EPB41L1: variants seen among roughly 807,000 people sequenced by gnomAD.
The protein encoded by EPB41L1 is erythrocyte membrane protein band 4.1 like 1, also known as band 4.1-like protein 1.
EPB41L1 carries 29 observed loss-of-function variants against 97.8 expected under a neutral mutation model. That is an observed-to-expected ratio of 0.30 (90% CI 0.22 to 0.40). EPB41L1 has a LOEUF of 0.40. Ranked by LOEUF, EPB41L1 falls within the 10% of genes least tolerant of loss-of-function variation. The pLI is 1.00. For synonymous variants in EPB41L1, 383 were observed against 459.2 expected (o/e 0.83, Z 2.12); for missense variants, 812 against 1,162.3 (o/e 0.70, Z 4.38).
intron 1 of EPB41L1, among the ~76,000 whole-genome samples, chr20:36,168,065 A>G (rs991508111): frequency 6.6e-6 from 1 of 152,358 alleles, no homozygotes; most frequent in East Asian, 1.9e-4. Context: ...ATATTGCCTC[A>G]TCTGGGCTAG....
At chr20:36,125,968 AG>A (rs564871150) in intron 2 of EPB41L1, among the ~76,000 whole-genome samples, 60 of 150,686 alleles carry the variant, frequency 4.0e-4, no homozygotes, top group South Asian at 1.7e-3. Context: ...TGGGGAAGGG[AG>A]GGGGAAGAAA....
At chr20:36,167,058 A>G (rs2060767812) in intron 1 of EPB41L1, among the ~76,000 whole-genome samples, 1 of 152,166 alleles carries the variant, frequency 6.6e-6, no homozygotes, top group Non-Finnish European at 1.5e-5. Flanking sequence ...CAAAAACAAA[A>G]CAATCTAGCA....
intron 2 of EPB41L1, among the ~76,000 whole-genome samples, chr20:36,113,167 C>T (rs567193022): frequency 6.6e-6 from 1 of 152,110 alleles, no homozygotes; most frequent in African/African-American, 2.4e-5. Flanking sequence ...TGGCCCGGGG[C>T]GTGTCAAAGC....
At chr20:36,123,427 G>GTTC (rs1319451577) in intron 2 of EPB41L1, among the ~76,000 whole-genome samples, 3 of 151,676 alleles carry the variant, frequency 2.0e-5, no homozygotes, top group Non-Finnish European at 2.9e-5. Context: ...GAAAATTTAA[G>GTTC]TTCTGGTTTT....
In EPB41L1 at chr20:36,224,966, C is replaced by T. The variant is rs1443948925; in HGVS notation, c.2637+2572C>T. ...CCTCCCAAGTAGCTGAGACTACAGG[C>T]GTGTGCTACCACACCCAACTAATTT... On this transcript the variant is annotated intron_variant, in intron 21 of 21. Coordinates refer to ENST00000338074, the MANE Select transcript of EPB41L1 (RefSeq NM_012156.2). 4.6e-5 allele frequency among the ~76,000 whole-genome samples: 7 copies of T among 152,218 alleles called. 1 individual carries two copies. In the East Asian group the frequency reaches 9.7e-4, roughly 21 times the overall value.
chr20:36,112,901 C>G (rs149269284), intron 2 of EPB41L1, among the ~76,000 whole-genome samples: 1 of 152,336 alleles, frequency 6.6e-6, no homozygotes, highest in East Asian at 1.9e-4. Flanking sequence ...ACCTTCCTTT[C>G]TACTGGCCTC....
At chr20:36,146,144 A>G (rs886993854) in intron 2 of EPB41L1, among the ~76,000 whole-genome samples, 1 of 152,182 alleles carries the variant, frequency 6.6e-6, no homozygotes, top group East Asian at 1.9e-4. Context: ...TTTCTGTTTT[A>G]CATTGCAGTT....
chr20:36,157,771 A>G (rs1221533609), intron 1 of EPB41L1, among the ~76,000 whole-genome samples: 1 of 152,220 alleles, frequency 6.6e-6, no homozygotes. Flanking sequence ...GGGAAACACC[A>G]GACTCCCTGC....
chr20:36,091,809 T>C (rs1041935179), intron 1 of EPB41L1: 1 of 152,194 alleles, frequency 6.6e-6, no homozygotes, highest in South Asian at 2.1e-4. Context: ...TCTTTATCTA[T>C]AGAAGGCAGA....
intron 12 of EPB41L1, 113 bp downstream of exon 12, chr20:36,194,473 A>G: frequency 7.4e-7 from 1 of 1,349,486 alleles, no homozygotes; most frequent in Non-Finnish European, 1.0e-6. Flanking sequence ...CACCCTTACT[A>G]TGGAGTGCAC....
chr20:36,107,032 G>A (rs1432380457), intron 1 of EPB41L1, among the ~76,000 whole-genome samples: 1 of 152,006 alleles, frequency 6.6e-6, no homozygotes, highest in Non-Finnish European at 1.5e-5. Flanking sequence ...TCAAACTCCT[G>A]AGCTCAGGCA....
At chr20:36,135,410 A>G (rs1479530081) in intron 2 of EPB41L1, among the ~76,000 whole-genome samples, 1 of 152,222 alleles carries the variant, frequency 6.6e-6, no homozygotes, top group Non-Finnish European at 1.5e-5. Context: ...GGCCGAAGCA[A>G]TAAGCATGAG....
Position 36,190,419 on chromosome 20 carries a change from A to C in EPB41L1, c.1124+45A>C, listed in dbSNP as rs1409644640. 6.3e-7 allele frequency: 1 copy of C among 1,596,792 alleles called. No homozygotes were observed. The highest frequency in any genetic ancestry group is 8.6e-7 in the Non-Finnish European group (1 of 1,166,862). ...GGGTAATGGGGATGGGGCAGAGGCC[A>C]TGTGTATGGAGGGGAGCAGGGGGAG... On this transcript the variant is annotated intron_variant, in intron 10 of 21. Transcript: ENST00000338074. This position sits in a 1 kb window ranked among gnomAD's most constrained non-coding sequence, Gnocchi z 5.8.
Position 36,109,938 on chromosome 20 carries a change from G to GT in EPB41L1, c.-64-2471dup, listed in dbSNP as rs35320427. ...TATAACTGGAAAGGATCTTGACATTGTTTTTTTTTTTTTTTTTCTTGAGAC... is the reference window on the plus strand; with the variant it reads ...TATAACTGGAAAGGATCTTGACATTGTTTTTTTTTTTTTTTTTTCTTGAGAC... On this transcript the variant is annotated intron_variant, in intron 1 of 19. Coordinates refer to the EPB41L1 transcript ENST00000202028. The GT allele has an allele frequency of 8.1e-3, 1,116 of 137,236 alleles. 9 individuals are homozygous for GT. The highest frequency in any genetic ancestry group is 0.018 in the African/African-American group (688 of 37,520). 8.5% of individuals were successfully genotyped at this position (137,236 alleles called of 1,614,324 possible). A position where few individuals can be genotyped will look rare whatever the true frequency, so the allele number is the denominator to read the frequency against.
rs917964304 is a variant in EPB41L1 at position 36,093,561 on chromosome 20, C to T, written c.-65+1949C>T. On this transcript the variant is annotated intron_variant, in intron 1 of 19. Transcript: ENST00000202028. This position sits in a 1 kb window ranked among gnomAD's most constrained non-coding sequence, Gnocchi z 5.4. ...GTCCCTTCCCCGTCGGGCAGAGACT[C>T]CCTGCTGGCAGGTGGGCGGCCACAC... Among the ~76,000 whole-genome samples, 2 of 152,042 alleles carry T rather than the reference C, an allele frequency of 1.3e-5. No individual in the cohort carries two copies. The highest frequency in any genetic ancestry group is 1.3e-4 in the Admixed American group (2 of 15,282).
At position 36,207,089 on chromosome 20, in the gene EPB41L1, C is replaced by A. The variant is rs1441504653; in HGVS notation, c.1669-2399C>A. The A allele has an allele frequency of 7.8e-7, 1 of 1,289,190 alleles. No homozygotes were observed. Among genetic ancestry groups the A allele is most frequent in the East Asian group, 5.6e-5 (1 of 17,988 alleles). The allele number at this position is 1,289,190 out of a possible 1,614,324, so 79.9% of individuals were successfully genotyped here. On this transcript the variant is annotated intron_variant, in intron 14 of 21. Coordinates refer to ENST00000338074, the MANE Select transcript of EPB41L1 (RefSeq NM_012156.2). The surrounding 1 kb of genome is among the most constrained non-coding windows in gnomAD (Gnocchi z 4.9). Reference sequence around the variant, plus strand: ...CACATGGAGGTGATCATTCCCCTGCCAGCCTCCCCTGGTCATTCTGAGGAC... The same window carrying A: ...CACATGGAGGTGATCATTCCCCTGCAAGCCTCCCCTGGTCATTCTGAGGAC...
intron 2 of EPB41L1, among the ~76,000 whole-genome samples, chr20:36,142,615 C>A (rs1480788893): frequency 6.6e-6 from 1 of 152,148 alleles, no homozygotes; most frequent in South Asian, 2.1e-4. Context: ...GTGGGAGGCT[C>A]ACTTGCACGG....
chr20:36,193,549 G>T (rs769460967), intron 11 of EPB41L1, among the ~76,000 whole-genome samples: 1 of 152,234 alleles, frequency 6.6e-6, no homozygotes, highest in Admixed American at 6.5e-5. Context: ...GTGATGCGAA[G>T]TCTAGTTCCA....
At chr20:36,213,546 G>GC (rs1228355966) in intron 16 of EPB41L1, among the ~76,000 whole-genome samples, 3 of 152,126 alleles carry the variant, frequency 2.0e-5, no homozygotes, top group Admixed American at 2.0e-4. Context: ...GTTCTGATGA[G>GC]CTGTGTGACC....
Sources: gnomAD v4.1 joint callset for allele counts (sites outside exome capture counted in the v4.1 genomes callset) on GRCh38, gnomAD v4.1.1 for gene constraint, Gnocchi (gnomAD v3.1) non-coding constraint, MANE v1.5 for transcripts, NCBI Gene and HGNC (gene_info 2026-07-23, HGNC 2026-07-21) for gene names.